RUNX1: variants seen among roughly 807,000 people sequenced by gnomAD.
The protein encoded by RUNX1 is runt-related transcription factor 1.
RUNX1 carries 19 observed loss-of-function variants against 42.8 expected under a neutral mutation model. The ratio of observed to expected loss-of-function variants is 0.44; its 90% CI spans 0.31 to 0.65. The LOEUF (loss-of-function observed/expected upper bound fraction) is 0.65. RUNX1 is among the 30% of genes least tolerant of loss of function. The pLI, the probability that RUNX1 is intolerant of heterozygous loss-of-function variation, is 0.07. For synonymous variants in RUNX1, 271 were observed against 289.4 expected (o/e 0.94, Z 0.64); for missense variants, 528 against 672.0 (o/e 0.79, Z 2.37).
chr21:34,829,201 C>T (rs150944870), intron 7 of RUNX1, among the ~76,000 whole-genome samples: 90 of 152,296 alleles, frequency 5.9e-4, no homozygotes, highest in Middle Eastern at 3.4e-3. Context: ...CTATTAGATT[C>T]CCAGCTCAAG....
Position 34,791,852 on chromosome 21 carries a change from TC to T in RUNX1, c.*282del. On this transcript the variant is annotated 3_prime_UTR_variant, in exon 9 of 9. Coordinates refer to ENST00000675419, the MANE Select transcript of RUNX1 (RefSeq NM_001754.5). ...ATCTTCCTGTTTGCTTTCCAGCGCG[TC>T]CCCTGGGTGCTGGGGCCGGCGGACA... The T allele has an allele frequency of 1.2e-5, 3 of 247,368 alleles. No individual in the cohort carries two copies. The highest frequency in any genetic ancestry group is 1.6e-5 in the Non-Finnish European group (2 of 126,600). 15.3% of individuals were successfully genotyped at this position (247,368 alleles called of 1,614,324 possible). A position where few individuals can be genotyped will look rare whatever the true frequency, so the allele number is the denominator to read the frequency against.
intron 2 of RUNX1, among the ~76,000 whole-genome samples, chr21:34,985,010 G>A (rs1272998065): frequency 6.6e-6 from 1 of 152,204 alleles, no homozygotes; most frequent in East Asian, 1.9e-4. Flanking sequence ...AGGAGGTTGT[G>A]CATGGATATA....
At chr21:35,023,907 T>C (rs1431792936) in intron 2 of RUNX1, among the ~76,000 whole-genome samples, 2 of 150,832 alleles carry the variant, frequency 1.3e-5, no homozygotes, top group Non-Finnish European at 3.0e-5. Flanking sequence ...GTGAAATATA[T>C]TTTATTATAT....
intron 3 of RUNX1, chr21:34,887,916 C>T: frequency 9.4e-7 from 1 of 1,065,144 alleles, no homozygotes. Flanking sequence ...GAAAATTCAG[C>T]GTTTCAGAGA....
chr21:34,845,254 A>G (rs959297550), intron 6 of RUNX1, among the ~76,000 whole-genome samples: 1 of 152,184 alleles, frequency 6.6e-6, no homozygotes, highest in African/African-American at 2.4e-5. Flanking sequence ...AGTGCCTCCT[A>G]TTCACCTTGG....
chr21:34,885,434 G>A (rs543983048), intron 4 of RUNX1, among the ~76,000 whole-genome samples: 2 of 152,250 alleles, frequency 1.3e-5, no homozygotes, highest in South Asian at 4.1e-4. Context: ...AAAGAGTCAA[G>A]CAAGCCACCA....
At chr21:34,993,688 C>G (rs2058968064) in intron 2 of RUNX1, among the ~76,000 whole-genome samples, 1 of 143,442 alleles carries the variant, frequency 7.0e-6, no homozygotes, top group Non-Finnish European at 1.5e-5. Flanking sequence ...CAGACACACA[C>G]ACAGGCGCAC....
chr21:34,910,488 A>C (rs986145363), intron 2 of RUNX1, among the ~76,000 whole-genome samples: 5 of 152,232 alleles, frequency 3.3e-5, no homozygotes, highest in Middle Eastern at 3.4e-3. Flanking sequence ...CTAAATGCAG[A>C]GGCAAAAGCC....
chr21:34,864,975 C>T (rs145166504), intron 5 of RUNX1, among the ~76,000 whole-genome samples: 177 of 152,230 alleles, frequency 1.2e-3, no homozygotes, highest in African/African-American at 3.8e-3. Flanking sequence ...TTCAAAACCT[C>T]GCTCTGCCAC....
chr21:34,910,282 T>A (rs1359270212), intron 2 of RUNX1, among the ~76,000 whole-genome samples: 9 of 152,072 alleles, frequency 5.9e-5, no homozygotes, highest in Non-Finnish European at 2.9e-5. Flanking sequence ...CTCCACCTTC[T>A]CCTCACTGGC....
At chr21:34,861,732 C>T (rs1340730781) in intron 5 of RUNX1, among the ~76,000 whole-genome samples, 1 of 152,202 alleles carries the variant, frequency 6.6e-6, no homozygotes, top group Admixed American at 6.5e-5. Flanking sequence ...TTGCTGCACC[C>T]TTCACCCGAG....
intron 2 of RUNX1, among the ~76,000 whole-genome samples, chr21:35,031,448 T>A: frequency 6.6e-6 from 1 of 152,074 alleles, no homozygotes; most frequent in East Asian, 1.9e-4. Flanking sequence ...GAAAACTGTA[T>A]GGAGGTTCCC....
chr21:34,920,284 A>T (rs1482538409), intron 2 of RUNX1, among the ~76,000 whole-genome samples: 1 of 152,180 alleles, frequency 6.6e-6, no homozygotes, highest in Admixed American at 6.5e-5. Context: ...GTCTTTCCCA[A>T]AACCCCAGCC....
intron 2 of RUNX1, among the ~76,000 whole-genome samples, chr21:34,970,148 TTG>T (rs1475750535): frequency 6.6e-6 from 1 of 152,226 alleles, no homozygotes; most frequent in Non-Finnish European, 1.5e-5. Context: ...AGATAAGACT[TTG>T]TGCAGCTAAA....
chr21:34,863,685 G>A lies in RUNX1; in HGVS notation c.509-4107C>T, dbSNP rs1287719320. Among the ~76,000 whole-genome samples the A allele has an allele frequency of 4.0e-5, 6 of 151,316 alleles. No individual in the cohort carries two copies. The East Asian group carries it at 1.2e-3, about 30-fold the overall frequency. ...TTCTCCTGCCTCAGCCTCCCGAGTA[G>A]CTGGGATTACATGTGCATACCACCA... is the stretch of plus-strand genomic sequence containing the variant. On this transcript the variant is annotated intron_variant, in intron 5 of 8. Coordinates refer to ENST00000675419, the MANE Select transcript of RUNX1 (RefSeq NM_001754.5).
At chr21:35,019,838 C>T (rs991129902) in intron 2 of RUNX1, among the ~76,000 whole-genome samples, 8 of 152,254 alleles carry the variant, frequency 5.3e-5, no homozygotes, top group South Asian at 2.1e-4. Context: ...CTGGGAAAAT[C>T]GTGCACTGAT....
intron 2 of RUNX1, among the ~76,000 whole-genome samples, chr21:34,943,589 G>A (rs978613754): frequency 6.6e-6 from 1 of 152,176 alleles, no homozygotes; most frequent in African/African-American, 2.4e-5. Flanking sequence ...AGGGAACATG[G>A]AGTCAGTCCC....
At chr21:34,849,262 ATATATAATATATATATAATATATAT>A (rs2057359914) in intron 6 of RUNX1, among the ~76,000 whole-genome samples, 1 of 58,576 alleles carries the variant, frequency 1.7e-5, no homozygotes, top group East Asian at 7.2e-4. Flanking sequence ...ACATATATAT[ATATATAATATATATATAATATATAT>A]TATATATAAA....
chr21:34,805,284 G>T (rs920501279), intron 7 of RUNX1, among the ~76,000 whole-genome samples: 1 of 152,150 alleles, frequency 6.6e-6, no homozygotes, highest in African/African-American at 2.4e-5. Flanking sequence ...AGAAGAAAAA[G>T]AAAACAGTGG....
Sources: gnomAD v4.1 joint callset for allele counts (sites outside exome capture counted in the v4.1 genomes callset) on GRCh38, gnomAD v4.1.1 for gene constraint, MANE v1.5 for transcripts, NCBI Gene and HGNC (gene_info 2026-07-23, HGNC 2026-07-21) for gene names.